Variants in FGF12 observed in about 807,000 individuals in gnomAD.
FGF12 encodes fibroblast growth factor 12, also known as fibroblast growth factor 12B.
A neutral mutation model predicts 23.6 loss-of-function variants in FGF12; 14 were observed. The observed-to-expected ratio is 0.59, with a 90% CI of 0.39 to 0.93. The LOEUF (loss-of-function observed/expected upper bound fraction) is 0.93, where lower values mean the gene tolerates loss of function less well. Ranked by LOEUF, FGF12 falls within the 40% of genes least tolerant of loss-of-function variation. The pLI is 0.00. For missense variants in FGF12, 175 were observed against 217.8 expected (o/e 0.80, Z 1.24); for synonymous variants, 62 against 77.3 (o/e 0.80, Z 1.04).
At chr3:192,577,082 C>G (rs1712936598) in intron 2 of FGF12, among the ~76,000 whole-genome samples, 1 of 152,090 alleles carries the variant, frequency 6.6e-6, no homozygotes, top group Admixed American at 6.5e-5. Context: ...GGAGGGATAG[C>G]ATTAGGAGAA....
intron 4 of FGF12, among the ~76,000 whole-genome samples, chr3:192,317,763 AG>A (rs889518200): frequency 2.0e-5 from 3 of 152,192 alleles, no homozygotes; most frequent in African/African-American, 7.2e-5. Context: ...TGCTCACCAC[AG>A]ACCATAAAGG....
chr3:192,435,790 A>T (rs1213124540), intron 2 of FGF12, among the ~76,000 whole-genome samples: 1 of 152,322 alleles, frequency 6.6e-6, no homozygotes, highest in East Asian at 1.9e-4. Context: ...CTGAGGATAC[A>T]ATCTGCTTCT....
intron 4 of FGF12, among the ~76,000 whole-genome samples, chr3:192,299,892 T>C (rs1484210572): frequency 6.6e-6 from 1 of 152,156 alleles, no homozygotes; most frequent in Non-Finnish European, 1.5e-5. Context: ...TTTCCACAGA[T>C]ACATTGATTC....
Position 192,215,980 on chromosome 3 carries a change from C to T in FGF12, c.229-45324G>A, listed in dbSNP as rs1718174062. Among the ~76,000 whole-genome samples, 3 of 152,104 alleles carry T rather than the reference C, an allele frequency of 2.0e-5. No homozygotes were observed. In the South Asian group the frequency reaches 6.2e-4, roughly 32 times the overall value. On this transcript the variant is annotated intron_variant, in intron 4 of 5. Transcript: ENST00000445105. The stretch of plus-strand genomic sequence containing the variant: ...TCTGTATTAAAATGTTGAATATAGT[C>T]ATGATTAATTCATTGTACAAGCACG...
At chr3:192,302,006 A>G (rs1522276) in intron 4 of FGF12, among the ~76,000 whole-genome samples, 46,573 of 152,096 alleles carry the variant, frequency 0.31, 9,916 homozygotes, top group African/African-American at 0.6. Context: ...AATAAGAGAA[A>G]CCCTATTTCA....
At chr3:192,331,909 T>C (rs1717142575) in intron 4 of FGF12, among the ~76,000 whole-genome samples, 2 of 152,018 alleles carry the variant, frequency 1.3e-5, no homozygotes, top group South Asian at 4.1e-4. Context: ...CTACCTTAAC[T>C]GCAATTCAAG....
At chr3:192,333,206 T>C (rs1717215686) in intron 4 of FGF12, among the ~76,000 whole-genome samples, 1 of 152,144 alleles carries the variant, frequency 6.6e-6, no homozygotes, top group African/African-American at 2.4e-5. Flanking sequence ...CTTACAATAC[T>C]GTTGTCAAAC....
intron 2 of FGF12, among the ~76,000 whole-genome samples, chr3:192,639,069 T>A (rs181972210): frequency 6.6e-6 from 1 of 152,174 alleles, no homozygotes; most frequent in African/African-American, 2.4e-5. Flanking sequence ...GGGATCAGTA[T>A]CCAAGATTTA....
rs910985941 is a variant in FGF12, at chr3:192,392,532, G to A, written c.14-31994C>T. Among the ~76,000 whole-genome samples, 4 of 151,502 alleles carry A rather than the reference G, an allele frequency of 2.6e-5. No individual in the cohort carries two copies. In the East Asian group the frequency reaches 7.7e-4, roughly 29 times the overall value. ...AATCGTTTGAACTCAGGAGGTGGAGGTTGCAGTGAACCAAGATTGCGCCAT... is the reference window on the plus strand; with the variant it reads ...AATCGTTTGAACTCAGGAGGTGGAGATTGCAGTGAACCAAGATTGCGCCAT... On this transcript the variant is annotated intron_variant, in intron 2 of 5. Coordinates refer to ENST00000445105, the MANE Select transcript of FGF12 (RefSeq NM_004113.6).
At chr3:192,269,990 G>GAAC (rs1264810436) in intron 4 of FGF12, among the ~76,000 whole-genome samples, 2 of 152,094 alleles carry the variant, frequency 1.3e-5, no homozygotes, top group Non-Finnish European at 2.9e-5. Context: ...TTTCATTAAA[G>GAAC]AACATGGAAT....
intron 2 of FGF12, among the ~76,000 whole-genome samples, chr3:192,711,430 AC>A (rs1432273957): frequency 2.0e-5 from 3 of 150,420 alleles, no homozygotes; most frequent in Non-Finnish European, 4.5e-5. Context: ...CCCGGCCGCC[AC>A]CCCGTCTGGG....
intron 2 of FGF12, among the ~76,000 whole-genome samples, chr3:192,431,732 T>C (rs1305758116): frequency 6.6e-6 from 1 of 152,226 alleles, no homozygotes; most frequent in Non-Finnish European, 1.5e-5. Flanking sequence ...CTTAGACTTA[T>C]GTAAGCTTTC....
chr3:192,667,293 CAT>C (rs1236111636), intron 2 of FGF12, among the ~76,000 whole-genome samples: 1 of 152,080 alleles, frequency 6.6e-6, no homozygotes, highest in Admixed American at 6.5e-5. Flanking sequence ...AAAAAACCCA[CAT>C]GAGCAGAGTT....
At chr3:192,373,807 A>C (rs920777145) in intron 2 of FGF12, among the ~76,000 whole-genome samples, 4 of 152,160 alleles carry the variant, frequency 2.6e-5, no homozygotes, top group Non-Finnish European at 5.9e-5. Context: ...TTTCAGACAA[A>C]GTGCCAGGAC....
At chr3:192,554,293 T>C (rs991949058) in intron 2 of FGF12, among the ~76,000 whole-genome samples, 2 of 152,126 alleles carry the variant, frequency 1.3e-5, no homozygotes, top group Non-Finnish European at 2.9e-5. Flanking sequence ...GGGAGCTCTC[T>C]GGGGGGAATT....
intron 2 of FGF12, among the ~76,000 whole-genome samples, chr3:192,455,441 T>C (rs1722651097): frequency 6.6e-6 from 1 of 152,154 alleles, no homozygotes; most frequent in South Asian, 2.1e-4. Flanking sequence ...AAACTCTGCA[T>C]CAACATGGTG....
chr3:192,205,858 CAGA>C (rs144682999), intron 4 of FGF12, among the ~76,000 whole-genome samples: 111 of 152,248 alleles, frequency 7.3e-4, no homozygotes, highest in African/African-American at 2.7e-3. Context: ...TGCAGGGACA[CAGA>C]AGAAGACCTC....
chr3:192,211,885 T>C (rs1455719037), intron 4 of FGF12, among the ~76,000 whole-genome samples: 1 of 152,236 alleles, frequency 6.6e-6, no homozygotes, highest in Non-Finnish European at 1.5e-5. Context: ...AAATCCTACA[T>C]AATTGCATAT....
chr3:192,619,165 T>G (rs1714877600), intron 2 of FGF12, among the ~76,000 whole-genome samples: 1 of 152,014 alleles, frequency 6.6e-6, no homozygotes, highest in African/African-American at 2.4e-5. Context: ...ATTTTTTAAT[T>G]GGCTGCCTGT....
Sources: allele counts gnomAD v4.1 joint callset (sites outside exome capture counted in the v4.1 genomes callset), GRCh38; gene constraint gnomAD v4.1.1; transcripts MANE v1.5; gene names NCBI Gene and HGNC (gene_info 2026-07-23, HGNC 2026-07-21).